SLC35F1: variants seen among roughly 807,000 people sequenced by gnomAD.
SLC35F1 encodes the protein solute carrier family 35 member F1, also known as chromosome 6 open reading frame 169.
SLC35F1 carries 14 observed loss-of-function variants against 48.7 expected under a neutral mutation model. The observed-to-expected ratio is 0.29, with a 90% CI of 0.19 to 0.45. The LOEUF is 0.45. Among genes scored for constraint, SLC35F1 ranks in the 20% least tolerant of loss-of-function variants. The probability of loss-of-function intolerance (pLI) is 1.00; values close to 1 mark genes in which losing one functional copy is unlikely to be tolerated. For synonymous variants in SLC35F1, 190 were observed against 202.2 expected, an observed-to-expected ratio of 0.94 and a Z score of 0.51; for missense variants, 404 against 500.0, an observed-to-expected ratio of 0.81 and a Z score of 1.83.
intron 1 of SLC35F1, among the ~76,000 whole-genome samples, chr6:118,032,874 T>C (rs1488835287): frequency 1.3e-5 from 2 of 152,186 alleles, no homozygotes; most frequent in African/African-American, 4.8e-5. Flanking sequence ...TTTAAAATCC[T>C]TTCCTTCAAC....
chr6:117,956,748 G>A (rs1037977918), intron 1 of SLC35F1, among the ~76,000 whole-genome samples: 1 of 152,158 alleles, frequency 6.6e-6, no homozygotes, highest in Non-Finnish European at 1.5e-5. Flanking sequence ...TGTCAGTAAG[G>A]CCCCTGTTGG....
At chr6:118,189,663 G>A (rs1774706502) in intron 2 of SLC35F1, among the ~76,000 whole-genome samples, 1 of 152,150 alleles carries the variant, frequency 6.6e-6, no homozygotes, top group South Asian at 2.1e-4. Context: ...ATGTAACAGA[G>A]TTTAATTGAA....
chr6:118,241,802 A>T (rs909682275), intron 3 of SLC35F1, among the ~76,000 whole-genome samples: 3 of 152,218 alleles, frequency 2.0e-5, no homozygotes, highest in Admixed American at 6.5e-5. Flanking sequence ...AGAGAATGCT[A>T]TATAAAAATT....
chr6:118,033,915 GGTACAGT>G lies in SLC35F1; in HGVS notation c.174-120528_174-120522del, dbSNP rs1041271707. Among the ~76,000 whole-genome samples, 6 of 152,214 alleles carry G rather than the reference GGTACAGT, an allele frequency of 3.9e-5. No homozygotes were observed. In the South Asian group the frequency reaches 8.3e-4, roughly 21 times the overall value. On this transcript the variant is annotated intron_variant, in intron 1 of 7. Coordinates refer to ENST00000360388, the MANE Select transcript of SLC35F1 (RefSeq NM_001029858.4). ...TTCATCGTTATATTTCAGATTTAGT[GGTACAGT>G]GACTGAAATATAATAGGACTCTCTT...
chr6:118,090,365 G>A (rs1413020967), intron 1 of SLC35F1, among the ~76,000 whole-genome samples: 2 of 152,076 alleles, frequency 1.3e-5, no homozygotes, highest in Non-Finnish European at 1.5e-5. Flanking sequence ...ATGTCGTGGT[G>A]GGAGGAAACA....
chr6:118,278,643 A>G (rs1775946096), intron 6 of SLC35F1, among the ~76,000 whole-genome samples: 2 of 152,222 alleles, frequency 1.3e-5, no homozygotes, highest in Admixed American at 1.3e-4. Context: ...GTTGTGCTAC[A>G]GAATTATATA....
intron 1 of SLC35F1, among the ~76,000 whole-genome samples, chr6:118,085,722 TA>T (rs1309009682): frequency 4.9e-4 from 1 of 2,034 alleles, no homozygotes. Context: ...ATAAATTAAT[TA>T]TGATTATGTG....
At chr6:118,039,061 T>A (rs1772173840) in intron 1 of SLC35F1, among the ~76,000 whole-genome samples, 1 of 152,214 alleles carries the variant, frequency 6.6e-6, no homozygotes, top group African/African-American at 2.4e-5. Flanking sequence ...ATAGATTTTT[T>A]AAGATTCCTT....
intron 1 of SLC35F1, among the ~76,000 whole-genome samples, chr6:117,959,723 G>C (rs1372979968): frequency 6.6e-6 from 1 of 152,162 alleles, no homozygotes; most frequent in Non-Finnish European, 1.5e-5. Flanking sequence ...TTGAAGAACA[G>C]TCTGCTGAAC....
chr6:118,074,622 G>A (rs940422744), intron 1 of SLC35F1, among the ~76,000 whole-genome samples: 11 of 152,158 alleles, frequency 7.2e-5, no homozygotes, highest in African/African-American at 2.7e-4. Context: ...AAGTGATGTG[G>A]TAATTATCCA....
At chr6:118,038,990 G>T (rs964090252) in intron 1 of SLC35F1, among the ~76,000 whole-genome samples, 10 of 151,968 alleles carry the variant, frequency 6.6e-5, no homozygotes, top group Non-Finnish European at 1.0e-4. Context: ...ATTAATTTTT[G>T]TATATTGATG....
At chr6:118,257,937 C>T (rs3851206) in intron 3 of SLC35F1, among the ~76,000 whole-genome samples, 11,018 of 152,162 alleles carry the variant, frequency 0.072, 432 homozygotes, top group Middle Eastern at 0.14. Context: ...TCATTTTCAT[C>T]CATGTTGCAG....
At chr6:118,243,560 C>T (rs1178325502) in intron 3 of SLC35F1, among the ~76,000 whole-genome samples, 1 of 152,136 alleles carries the variant, frequency 6.6e-6, no homozygotes, top group Non-Finnish European at 1.5e-5. Context: ...ATACAGTAAG[C>T]GTGATGATAA....
At chr6:118,152,448 T>C (rs1371746707) in intron 1 of SLC35F1, among the ~76,000 whole-genome samples, 1 of 152,160 alleles carries the variant, frequency 6.6e-6, no homozygotes, top group Non-Finnish European at 1.5e-5. Context: ...TTTCTTACAG[T>C]TCTTCAATTA....
At chr6:117,917,983 C>T (rs1185831703) in intron 1 of SLC35F1, among the ~76,000 whole-genome samples, 1 of 151,924 alleles carries the variant, frequency 6.6e-6, no homozygotes, top group African/African-American at 2.4e-5. Flanking sequence ...GAAGATGTTT[C>T]CAGAAGGAGG....
intron 3 of SLC35F1, among the ~76,000 whole-genome samples, chr6:118,250,231 C>T (rs968553308): frequency 6.6e-6 from 1 of 152,130 alleles, no homozygotes; most frequent in Non-Finnish European, 1.5e-5. Flanking sequence ...TAATTTTTCT[C>T]CATAGTTCTT....
chr6:117,981,802 A>C (rs1776784904), intron 1 of SLC35F1, among the ~76,000 whole-genome samples: 1 of 152,202 alleles, frequency 6.6e-6, no homozygotes, highest in Non-Finnish European at 1.5e-5. Flanking sequence ...TTCATACCAC[A>C]ACCTACACTA....
intron 2 of SLC35F1, among the ~76,000 whole-genome samples, chr6:118,191,505 A>G (rs980734665): frequency 6.6e-6 from 1 of 152,284 alleles, no homozygotes; most frequent in Non-Finnish European, 1.5e-5. Context: ...TAAGCATTCC[A>G]ATGGGTGTAC....
rs1562123305 is a variant in SLC35F1 at position 118,317,405 on chromosome 6, CT to C, written c.*3158del. 1 of 152,100 alleles carries C rather than the reference CT, an allele frequency of 6.6e-6. No individual in the cohort carries two copies. The allele number at this position is 152,100 out of a possible 1,614,324, so 9.4% of individuals were successfully genotyped here. The stretch of plus-strand genomic sequence containing the variant: ...GTGTAGTATTGTTTGTTTTGGGTTT[CT>C]TTTTGATTTATAACTATTTAGTAGT... On this transcript the variant is annotated 3_prime_UTR_variant, in exon 8 of 8. Coordinates refer to ENST00000360388, the MANE Select transcript of SLC35F1 (RefSeq NM_001029858.4).
Sources: gnomAD v4.1 joint callset for allele counts (sites outside exome capture counted in the v4.1 genomes callset) on GRCh38, gnomAD v4.1.1 for gene constraint, MANE v1.5 for transcripts, NCBI Gene and HGNC (gene_info 2026-07-23, HGNC 2026-07-21) for gene names.